THEMIS: variants seen among roughly 807,000 people sequenced by gnomAD.
THEMIS encodes protein THEMIS.
In THEMIS, 37 loss-of-function variants were observed where a neutral mutation model predicts 52.6. The ratio of observed to expected loss-of-function variants is 0.70; its 90% CI spans 0.54 to 0.93. The LOEUF (loss-of-function observed/expected upper bound fraction) is 0.93. Ranked by LOEUF, THEMIS falls within the 40% of genes least tolerant of loss-of-function variation. THEMIS has a pLI of 0.00. For synonymous variants in THEMIS, 292 were observed against 272.7 expected, an observed-to-expected ratio of 1.07 and a Z score of -0.70; for missense variants, 808 against 763.1, an observed-to-expected ratio of 1.06 and a Z score of -0.69.
chr6:127,730,773 CTTT>C (rs1189059589), intron 4 of THEMIS, among the ~76,000 whole-genome samples: 2 of 152,082 alleles, frequency 1.3e-5, no homozygotes, highest in East Asian at 3.8e-4. Flanking sequence ...TAGAATGATT[CTTT>C]TACTAAAGTT....
intron 1 of THEMIS, among the ~76,000 whole-genome samples, chr6:127,869,618 G>T (rs577337217): frequency 2.0e-5 from 3 of 152,132 alleles, no homozygotes. Flanking sequence ...TTATTCAAAG[G>T]CTTCAGCTAG....
intron 2 of THEMIS, among the ~76,000 whole-genome samples, chr6:127,845,207 A>T (rs1779174595): frequency 6.6e-6 from 1 of 151,954 alleles, no homozygotes; most frequent in Non-Finnish European, 1.5e-5. Flanking sequence ...TTTCCTCAGT[A>T]GATTTTCTTT....
chr6:127,707,174 A>T (rs946215075), downstream of THEMIS, among the ~76,000 whole-genome samples: 1 of 152,080 alleles, frequency 6.6e-6, no homozygotes, highest in African/African-American at 2.4e-5. Context: ...CCATGACTCA[A>T]TTACCTCCCA....
chr6:127,812,079 T>A (rs1274888350), intron 4 of THEMIS, among the ~76,000 whole-genome samples: 1 of 152,186 alleles, frequency 6.6e-6, no homozygotes, highest in Non-Finnish European at 1.5e-5. Context: ...AAGTACAACA[T>A]CTGCCAGACC....
At chr6:127,914,467 A>C (rs954519631) in intron 1 of THEMIS, among the ~76,000 whole-genome samples, 8 of 152,180 alleles carry the variant, frequency 5.3e-5, no homozygotes, top group African/African-American at 1.9e-4. Flanking sequence ...TTAATCATAG[A>C]GTGTGCTTAC....
the THEMIS span, among the ~76,000 whole-genome samples, chr6:127,697,995 C>A: frequency 1.3e-5 from 2 of 152,052 alleles, no homozygotes; most frequent in East Asian, 1.9e-4. Context: ...ATTATCTGAC[C>A]TTTTACAATT....
intron 3 of THEMIS, among the ~76,000 whole-genome samples, chr6:127,821,407 A>G (rs958633756): frequency 1.3e-5 from 2 of 152,088 alleles, no homozygotes; most frequent in Non-Finnish European, 2.9e-5. Flanking sequence ...TTCTGTTCCA[A>G]ACTAAACCAA....
At chr6:127,747,699 T>C (rs1188391379) in intron 4 of THEMIS, among the ~76,000 whole-genome samples, 1 of 151,988 alleles carries the variant, frequency 6.6e-6, no homozygotes, top group Non-Finnish European at 1.5e-5. Flanking sequence ...TTTAAAAATA[T>C]AGTGGGATAA....
intron 1 of THEMIS, among the ~76,000 whole-genome samples, chr6:127,866,101 T>C (rs757203841): frequency 1.3e-5 from 2 of 152,092 alleles, no homozygotes; most frequent in Non-Finnish European, 2.9e-5. Flanking sequence ...CTCCTTATAT[T>C]TGTAAAATAT....
intron 1 of THEMIS, among the ~76,000 whole-genome samples, chr6:127,914,371 C>A (rs75474032): frequency 6.6e-6 from 1 of 152,042 alleles, no homozygotes; most frequent in Non-Finnish European, 1.5e-5. Context: ...TCCTAAGGGA[C>A]GATTTCATTA....
intron 4 of THEMIS, among the ~76,000 whole-genome samples, chr6:127,811,161 A>G (rs566981017): frequency 6.6e-6 from 1 of 152,292 alleles, no homozygotes; most frequent in African/African-American, 2.4e-5. Flanking sequence ...CTCCTTCTCA[A>G]CTTGATGTCT....
At chr6:127,745,914 A>G (rs1339018495) in intron 4 of THEMIS, among the ~76,000 whole-genome samples, 1 of 151,842 alleles carries the variant, frequency 6.6e-6, no homozygotes, top group Non-Finnish European at 1.5e-5. Context: ...TGTTTACTTA[A>G]AGGGAAAAGT....
intron 4 of THEMIS, among the ~76,000 whole-genome samples, chr6:127,778,015 A>G (rs2114469223): frequency 6.6e-6 from 1 of 152,274 alleles, no homozygotes; most frequent in East Asian, 1.9e-4. Context: ...TACATTGACA[A>G]ATGTACAAAT....
At chr6:127,703,280 C>T (rs1773751903), downstream of THEMIS, among the ~76,000 whole-genome samples, 1 of 152,114 alleles carries the variant, frequency 6.6e-6, no homozygotes, top group East Asian at 1.9e-4. Flanking sequence ...ATCTCCTGAC[C>T]TCGTGATCCG....
intron 4 of THEMIS, among the ~76,000 whole-genome samples, chr6:127,747,470 C>T (rs2114317940): frequency 6.7e-6 from 1 of 148,986 alleles, no homozygotes; most frequent in South Asian, 2.1e-4. Context: ...TATGCCTAGA[C>T]AATGTTAAAT....
At position 127,782,463 on chromosome 6, in the gene THEMIS, C is replaced by T. The variant is rs371238957; in HGVS notation, c.1758+30420G>A. Among the ~76,000 whole-genome samples, 378 of 152,238 alleles carry T rather than the reference C, an allele frequency of 2.5e-3. 1 individual carries two copies. The highest frequency in any genetic ancestry group is 4.7e-3 in the African/African-American group (197 of 41,540). Reference sequence around the variant, plus strand: ...AGGGAATATCCTAGTCTGTGGGTTGCGAAGACCATGGGAAAAGCATAGTAT... The same window carrying T: ...AGGGAATATCCTAGTCTGTGGGTTGTGAAGACCATGGGAAAAGCATAGTAT... On this transcript the variant is annotated intron_variant, in intron 4 of 5. Transcript: ENST00000368248.
intron 4 of THEMIS, among the ~76,000 whole-genome samples, chr6:127,730,176 A>C (rs1774715659): frequency 6.6e-6 from 1 of 151,886 alleles, no homozygotes; most frequent in Non-Finnish European, 1.5e-5. Flanking sequence ...CTGAGGCTGG[A>C]GGATTGCTTT....
intron 4 of THEMIS, among the ~76,000 whole-genome samples, chr6:127,802,460 C>A (rs1777568358): frequency 6.6e-6 from 1 of 152,180 alleles, no homozygotes. Flanking sequence ...GTGGGCGTAG[C>A]TACCATAATG....
intron 1 of THEMIS, among the ~76,000 whole-genome samples, chr6:127,856,618 A>G (rs1779627288): frequency 6.6e-6 from 1 of 152,020 alleles, no homozygotes; most frequent in Non-Finnish European, 1.5e-5. Flanking sequence ...ATTTTTGCAG[A>G]CAAGAAGAAT....
Sources: allele counts gnomAD v4.1 joint callset (sites outside exome capture counted in the v4.1 genomes callset), GRCh38; gene constraint gnomAD v4.1.1; transcripts MANE v1.5; gene names NCBI Gene and HGNC (gene_info 2026-07-23, HGNC 2026-07-21).